TANC1: variants seen among roughly 807,000 people sequenced by gnomAD.
TANC1 encodes the protein protein TANC1.
A neutral mutation model predicts 149.7 loss-of-function variants in TANC1; 77 were observed. The ratio of observed to expected loss-of-function variants is 0.51; its 90% confidence interval spans 0.43 to 0.62. The LOEUF (loss-of-function observed/expected upper bound fraction) is 0.62, where lower values mean the gene tolerates loss of function less well. Ranked by LOEUF, TANC1 falls within the 20% of genes least tolerant of loss-of-function variation. The pLI, the probability that TANC1 is intolerant of heterozygous loss-of-function variation, is 0.00. For missense variants in TANC1, 1,985 were observed against 2,321.8 expected (o/e 0.85, Z 2.98); for synonymous variants, 854 against 925.0 (o/e 0.92, Z 1.39).
intron 1 of TANC1, among the ~76,000 whole-genome samples, chr2:158,970,200 G>C (rs1471929017): frequency 1.3e-5 from 2 of 152,140 alleles, no homozygotes; most frequent in Non-Finnish European, 2.9e-5. Context: ...ACAGAGGGCT[G>C]GTATTTCTCT....
chr2:159,114,636 A>C (rs2048055949), intron 4 of TANC1, among the ~76,000 whole-genome samples: 1 of 152,048 alleles, frequency 6.6e-6, no homozygotes, highest in African/African-American at 2.4e-5. Flanking sequence ...TCCCATTTTT[A>C]TTTGCATTTT....
intron 20 of TANC1, 95 bp downstream of exon 20, chr2:159,217,725 A>G (rs2059437615): frequency 2.0e-6 from 3 of 1,475,090 alleles, no homozygotes; most frequent in Non-Finnish European, 2.8e-6. Flanking sequence ...AGCTCCCCTG[A>G]GCCTGTCTGT....
intron 3 of TANC1, among the ~76,000 whole-genome samples, chr2:159,090,792 C>CT (rs1428294298): frequency 6.6e-6 from 1 of 152,214 alleles, no homozygotes; most frequent in African/African-American, 2.4e-5. Context: ...GGCCCAAATG[C>CT]TGCAAGAGTT....
In TANC1 at chr2:159,227,812, A is replaced by G. The variant is rs1276944898; in HGVS notation, c.3904-7A>G. On this transcript the variant is annotated splice_region_variant and splice_polypyrimidine_tract_variant and intron_variant, in intron 24 of 26. Coordinates refer to ENST00000263635, the MANE Select transcript of TANC1 (RefSeq NM_033394.3). ...AAGGACAAATGTTTGTGATTTTTGA[A>G]TCCTAGAAAGGGAAAATGAAAGAGG... The G allele has an allele frequency of 1.9e-6, 3 of 1,612,798 alleles. No individual in the cohort carries two copies. The Admixed American group carries it at 5.0e-5, about 27-fold the overall frequency.
chr2:159,049,304 C>G (rs2041300125), intron 2 of TANC1, among the ~76,000 whole-genome samples: 1 of 147,430 alleles, frequency 6.8e-6, no homozygotes, highest in Non-Finnish European at 1.5e-5. Context: ...CACAGTAGGT[C>G]CTTGGCAGTT....
chr2:159,179,592 C>T (rs1218755945), intron 14 of TANC1, among the ~76,000 whole-genome samples: 1 of 152,118 alleles, frequency 6.6e-6, no homozygotes, highest in Non-Finnish European at 1.5e-5. Context: ...CTCAGCACCT[C>T]CACTCCCCTG....
At chr2:159,181,922 C>T (rs1043910872) in intron 14 of TANC1, among the ~76,000 whole-genome samples, 5 of 152,166 alleles carry the variant, frequency 3.3e-5, no homozygotes, top group Admixed American at 1.3e-4. Flanking sequence ...TGAGTCTGGC[C>T]GGGTGCGGTG....
intron 4 of TANC1, among the ~76,000 whole-genome samples, chr2:159,124,279 G>A (rs1357007412): frequency 6.6e-6 from 1 of 152,188 alleles, no homozygotes; most frequent in Non-Finnish European, 1.5e-5. Context: ...GGGAGGCAGA[G>A]GTTGCAGTGA....
chr2:159,004,040 A>G, intron 2 of TANC1: 1 of 1,612,340 alleles, frequency 6.2e-7, no homozygotes. Flanking sequence ...ATGATGGGAC[A>G]GTTATTCATT....
chr2:159,183,199 C>T (rs1189782438), intron 14 of TANC1, among the ~76,000 whole-genome samples: 1 of 152,132 alleles, frequency 6.6e-6, no homozygotes, highest in Admixed American at 6.5e-5. Context: ...GAAGAAGAGC[C>T]AGAAACTAGG....
intron 5 of TANC1, among the ~76,000 whole-genome samples, chr2:159,145,601 G>A (rs1162483663): frequency 1.3e-5 from 2 of 152,170 alleles, no homozygotes; most frequent in African/African-American, 2.4e-5. Flanking sequence ...AAGTTATGAT[G>A]GCAGTCGGGA....
intron 4 of TANC1, among the ~76,000 whole-genome samples, chr2:159,103,416 C>A (rs1253509307): frequency 2.1e-5 from 2 of 96,442 alleles, no homozygotes; most frequent in East Asian, 4.6e-4. Flanking sequence ...CTGGGAACAG[C>A]TTAAATGGAT....
chr2:159,175,136 G>A lies in TANC1; in HGVS notation c.1687G>A (p.Ala563Thr). 1 of 1,614,158 alleles carries A rather than the reference G, an allele frequency of 6.2e-7. No individual in the cohort carries two copies. The highest frequency in any genetic ancestry group is 8.5e-7 in the Non-Finnish European group (1 of 1,180,022). ...CCGATCCTGTGTGCAGGACCCGGTG[G>A]CAGCTTTCAAGAGGGGAGTGCTGGA... ...SLRSCVQDPVAAFKRGVLEPL... is the reference protein window; with the variant it reads ...SLRSCVQDPVTAFKRGVLEPL... The change falls in exon 12 of 27, where the codon GCA (alanine) becomes ACA (threonine). Residue 563 changes from alanine (A) to threonine (T), a missense_variant. Ala to Thr is a moderately conservative substitution (Grantham distance 58). Around this residue, in one of 3 missense-constraint regions of TANC1, gnomAD observed 508 missense variants for 714.2 expected, o/e 0.71. Transcript: ENST00000263635.
intron 2 of TANC1, among the ~76,000 whole-genome samples, chr2:159,016,961 TC>T (rs2038344018): frequency 6.6e-6 from 1 of 152,218 alleles, no homozygotes; most frequent in Non-Finnish European, 1.5e-5. Context: ...GAAATATTTT[TC>T]TTAGATGGTG....
At chr2:159,097,352 A>G (rs1389841016) in intron 3 of TANC1, among the ~76,000 whole-genome samples, 1 of 152,166 alleles carries the variant, frequency 6.6e-6, no homozygotes, top group African/African-American at 2.4e-5. Flanking sequence ...CTTGACCTTG[A>G]TCTAATCCCA....
chr2:159,028,863 C>T (rs1049368275), intron 2 of TANC1, among the ~76,000 whole-genome samples: 1 of 152,162 alleles, frequency 6.6e-6, no homozygotes, highest in Non-Finnish European at 1.5e-5. Flanking sequence ...AACTCCTGTG[C>T]TCAAGTGATC....
chr2:159,079,905 T>C (rs1192596254), intron 3 of TANC1, among the ~76,000 whole-genome samples: 1 of 152,236 alleles, frequency 6.6e-6, no homozygotes, highest in Non-Finnish European at 1.5e-5. Context: ...TAGACAAATA[T>C]CTAATTTATA....
Position 159,000,640 on chromosome 2 carries a change from T to G in TANC1, c.-125-440T>G, listed in dbSNP as rs186143141. Among the ~76,000 whole-genome samples, 205 of 151,890 alleles carry G rather than the reference T, an allele frequency of 1.3e-3. 1 individual carries two copies. Among genetic ancestry groups the G allele is most frequent in the Non-Finnish European group, 2.3e-3 (159 of 67,966 alleles). ...ATTGAGGGTGCGGCAAGGGGGTGAT[T>G]GGTGGTGGAGTCCACACTGTGGGAA... On this transcript the variant is annotated intron_variant, in intron 1 of 26. Transcript: ENST00000263635.
intron 3 of TANC1, among the ~76,000 whole-genome samples, chr2:159,082,531 A>G (rs2044383019): frequency 6.6e-6 from 1 of 152,014 alleles, no homozygotes; most frequent in African/African-American, 2.4e-5. Flanking sequence ...GGTGGCATCT[A>G]GGATATTTTT....
Sources: allele counts gnomAD v4.1 joint callset (sites outside exome capture counted in the v4.1 genomes callset), GRCh38; gene constraint gnomAD v4.1.1; regional missense constraint gnomAD v4.1.1; transcripts MANE v1.5; gene names NCBI Gene and HGNC (gene_info 2026-07-23, HGNC 2026-07-21).